SLIT3: variants seen among roughly 807,000 people sequenced by gnomAD.
SLIT3 encodes slit guidance ligand 3, also known as slit homolog 3 protein.
Under a neutral mutation model 184.0 loss-of-function variants are expected in SLIT3, and 68 were observed. The ratio of observed to expected loss-of-function variants is 0.37; its 90% CI spans 0.30 to 0.45. The LOEUF is 0.45. Among genes scored for constraint, SLIT3 ranks in the 20% least tolerant of loss-of-function variants. SLIT3 has a pLI of 1.00. For synonymous variants in SLIT3, 831 were observed against 828.6 expected (o/e 1.00, Z -0.05); for missense variants, 1,707 against 2,026.0 (o/e 0.84, Z 3.02).
intron 23 of SLIT3, among the ~76,000 whole-genome samples, chr5:168,721,662 G>C (rs1022590511): frequency 6.6e-6 from 1 of 152,220 alleles, no homozygotes; most frequent in African/African-American, 2.4e-5. Context: ...AGAATATAGA[G>C]AGTGGGATTT....
At chr5:168,921,991 G>A (rs946886103) in intron 4 of SLIT3, among the ~76,000 whole-genome samples, 1 of 152,084 alleles carries the variant, frequency 6.6e-6, no homozygotes, top group African/African-American at 2.4e-5. Flanking sequence ...AATGCATTAT[G>A]GGAATTTTCT....
chr5:168,913,741 C>CAAAAAAAA (rs67241643), intron 4 of SLIT3, among the ~76,000 whole-genome samples: 1 of 130,968 alleles, frequency 7.6e-6, no homozygotes, highest in Non-Finnish European at 1.6e-5. Context: ...AACTCCGTCT[C>CAAAAAAAA]AAAAAAAAAA....
In SLIT3 at chr5:169,077,283, A is replaced by T. The variant is rs575464830; in HGVS notation, c.413+116196T>A. ...CCGGGCGCGGTGGCTCACACCTGTA[A>T]TCCCAGCACTTTGGGAGGCTGAGGC... On this transcript the variant is annotated intron_variant, in intron 4 of 35. Coordinates refer to ENST00000519560, the MANE Select transcript of SLIT3 (RefSeq NM_003062.4). 7.2e-5 allele frequency among the ~76,000 whole-genome samples: 11 copies of T among 152,306 alleles called. No homozygotes were observed. The East Asian group carries it at 1.9e-3, about 27-fold the overall frequency.
At chr5:169,178,756 C>T (rs1295118262) in intron 4 of SLIT3, among the ~76,000 whole-genome samples, 1 of 152,190 alleles carries the variant, frequency 6.6e-6, no homozygotes, top group African/African-American at 2.4e-5. Context: ...CCTTCCCCCA[C>T]CCAATTCATT....
At chr5:168,713,953 C>T (rs1289156713) in intron 23 of SLIT3, among the ~76,000 whole-genome samples, 10 of 152,316 alleles carry the variant, frequency 6.6e-5, no homozygotes, top group Non-Finnish European at 1.3e-4. Context: ...CTCCTCTTCC[C>T]ATATAATCTG....
At chr5:168,844,896 A>ATAT (rs1758404172) in intron 5 of SLIT3, 1 of 221,924 alleles carries the variant, frequency 4.5e-6, no homozygotes, top group African/African-American at 3.1e-5. Context: ...TTAATTGCGC[A>ATAT]TTTTTTTTTT....
intron 20 of SLIT3, among the ~76,000 whole-genome samples, chr5:168,727,001 A>C (rs1477584725): frequency 6.9e-6 from 1 of 145,220 alleles, no homozygotes; most frequent in African/African-American, 2.6e-5. Context: ...ACAAAGCAAG[A>C]CTGTGTCTCA....
intron 1 of SLIT3, among the ~76,000 whole-genome samples, chr5:169,264,936 C>T (rs928681433): frequency 2.6e-5 from 4 of 152,206 alleles, no homozygotes; most frequent in Non-Finnish European, 5.9e-5. Context: ...AACACTCTCG[C>T]ATATATAATT....
intron 4 of SLIT3, among the ~76,000 whole-genome samples, chr5:168,884,065 C>G (rs1760068596): frequency 6.6e-6 from 1 of 151,904 alleles, no homozygotes; most frequent in Non-Finnish European, 1.5e-5. Flanking sequence ...TGTAAGCATT[C>G]CCAAAGCCTT....
chr5:169,028,314 T>G (rs1370418634), intron 4 of SLIT3, among the ~76,000 whole-genome samples: 3 of 152,070 alleles, frequency 2.0e-5, no homozygotes, highest in Admixed American at 6.5e-5. Context: ...TAGAACTGCG[T>G]CTACTCTTAA....
intron 3 of SLIT3, among the ~76,000 whole-genome samples, chr5:169,193,786 T>G (rs926868184): frequency 5.9e-5 from 9 of 152,202 alleles, no homozygotes; most frequent in African/African-American, 9.6e-5. Flanking sequence ...ACATGCGCTG[T>G]GCTGCCACAC....
At chr5:168,739,125 G>A (rs1444209850) in intron 20 of SLIT3, among the ~76,000 whole-genome samples, 1 of 152,068 alleles carries the variant, frequency 6.6e-6, no homozygotes, top group Non-Finnish European at 1.5e-5. Context: ...AAAATATATT[G>A]TATAATGAAA....
chr5:169,218,033 G>C (rs913426002), intron 3 of SLIT3, among the ~76,000 whole-genome samples: 1 of 152,192 alleles, frequency 6.6e-6, no homozygotes, highest in Admixed American at 6.5e-5. Flanking sequence ...AACATGGGCA[G>C]AGCATGTTGC....
rs148992228 is a variant in SLIT3 at position 168,743,382 on chromosome 5, A to T, written c.2270+4920T>A. On this transcript the variant is annotated intron_variant, in intron 20 of 35. Transcript: ENST00000519560. ...CAATATTTAAAACTTTTTCATTATT[A>T]TAATACTTTTATGGTGATCTGTGAT... Among the ~76,000 whole-genome samples, 11 of 152,288 alleles carry T rather than the reference A, an allele frequency of 7.2e-5. No homozygotes were observed. The East Asian group carries it at 2.1e-3, about 29-fold the overall frequency.
At chr5:169,101,614 G>A (rs1760018802) in intron 4 of SLIT3, among the ~76,000 whole-genome samples, 4 of 152,078 alleles carry the variant, frequency 2.6e-5, no homozygotes, top group Admixed American at 2.6e-4. Flanking sequence ...TTCCACAAAT[G>A]GAAATATACT....
chr5:168,686,027 G>A (rs1286089884), intron 30 of SLIT3, 100 bp from the exon 31 acceptor site: 2 of 1,345,844 alleles, frequency 1.5e-6, no homozygotes, highest in Non-Finnish European at 2.0e-6. Context: ...GAGGTAGAGT[G>A]AGATGGGAAA....
chr5:169,029,656 CT>C (rs1181248301), intron 4 of SLIT3, among the ~76,000 whole-genome samples: 3 of 152,194 alleles, frequency 2.0e-5, no homozygotes, highest in Non-Finnish European at 4.4e-5. Flanking sequence ...TTACATCTTC[CT>C]GTGTTTTGCA....
rs10072460 is a variant in SLIT3, at chr5:168,800,356, C to T, written c.936-4778G>A. On this transcript the variant is annotated intron_variant, in intron 9 of 35. Transcript: ENST00000519560. ...ATCCCAGCACTTTGGGAGGCTGAGG[C>T]GGTTGGATCACCTGAGGTCAGGAGT... 2.1e-3 allele frequency among the ~76,000 whole-genome samples: 325 copies of T among 152,212 alleles called. 1 individual carries two copies. Among genetic ancestry groups the T allele is most frequent in the African/African-American group, 4.9e-3 (204 of 41,548 alleles).
intron 1 of SLIT3, among the ~76,000 whole-genome samples, chr5:169,262,396 G>A (rs1766222855): frequency 6.6e-6 from 1 of 152,122 alleles, no homozygotes; most frequent in Non-Finnish European, 1.5e-5. Context: ...TCTGAGACTA[G>A]AAGGAAAAGA....
Sources: allele counts gnomAD v4.1 joint callset (sites outside exome capture counted in the v4.1 genomes callset), GRCh38; gene constraint gnomAD v4.1.1; transcripts MANE v1.5; gene names NCBI Gene and HGNC (gene_info 2026-07-23, HGNC 2026-07-21).